Variants in TULP3 observed in about 807,000 individuals in gnomAD.
TULP3 encodes tubby-related protein 3.
A neutral mutation model predicts 50.7 loss-of-function variants in TULP3; 38 were observed. That is an observed-to-expected ratio of 0.75 (90% confidence interval 0.58 to 0.98). The LOEUF is 0.98. TULP3 is among the 50% of genes least tolerant of loss of function. The probability of loss-of-function intolerance (pLI) is 0.00; values close to 1 mark genes in which losing one functional copy is unlikely to be tolerated. For missense variants in TULP3, 550 were observed against 568.0 expected (o/e 0.97, Z 0.32); for synonymous variants, 183 against 196.6 (o/e 0.93, Z 0.58).
chr12:2,922,464 T>C (rs1003433737), intron 4 of TULP3, 62 bp downstream of exon 4: 69 of 1,567,594 alleles, frequency 4.4e-5, no homozygotes, highest in Non-Finnish European at 1.2e-5. Context: ...TCTTTTCCTT[T>C]CTTTTCATTG....
chr12:2,920,727 C>G, intron 2 of TULP3, 36 bp from the exon 3 acceptor site: 1 of 1,611,214 alleles, frequency 6.2e-7, no homozygotes, highest in Non-Finnish European at 8.5e-7. Context: ...CATGTCAAAA[C>G]TCTCCTTGCT....
At chr12:2,912,392 G>GTCCA (rs2098186189) in intron 2 of TULP3, among the ~76,000 whole-genome samples, 1 of 152,212 alleles carries the variant, frequency 6.6e-6, no homozygotes, top group African/African-American at 2.4e-5. Context: ...GAGCTTCACA[G>GTCCA]TCCAGAGTAG....
chr12:2,901,372 A>G (rs2098179199), intron 1 of TULP3, among the ~76,000 whole-genome samples: 1 of 130,142 alleles, frequency 7.7e-6, no homozygotes, highest in African/African-American at 3.0e-5. Context: ...TTTTTGCCCA[A>G]TTTTTATTTT....
intron 4 of TULP3, among the ~76,000 whole-genome samples, chr12:2,927,405 C>T (rs1482887037): frequency 1.7e-5 from 2 of 116,434 alleles, no homozygotes; most frequent in Non-Finnish European, 3.3e-5. Context: ...CTTGCTCTGT[C>T]GCCCAGGCTA....
chr12:2,908,452 A>C (rs902820938), intron 1 of TULP3, among the ~76,000 whole-genome samples: 3 of 152,042 alleles, frequency 2.0e-5, no homozygotes, highest in African/African-American at 7.3e-5. Flanking sequence ...GTTTGTTTTG[A>C]GCCATAGTCT....
In TULP3 at chr12:2,934,512, G is replaced by T. The variant is rs546880875; in HGVS notation, c.875G>T (p.Gly292Val). 6.2e-7 allele frequency: 1 copy of T among 1,605,126 alleles called. No individual in the cohort carries two copies. Among genetic ancestry groups the T allele is most frequent in the African/African-American group, 1.3e-5 (1 of 74,528 alleles). The change falls in exon 8 of 11, where the codon GGT becomes GTT. Residue 292 changes from glycine (G) to valine (V), a missense_variant. Coordinates refer to ENST00000448120, the MANE Select transcript of TULP3 (RefSeq NM_003324.5). ...GGCATCTGCCCCATGAAGGGCCGGG[G>T]TTTGGTAGGAGCGGCCCACACCCGG... Reference protein sequence around the residue: ...DRGICPMKGRGLVGAAHTRQE... With the variant: ...DRGICPMKGRVLVGAAHTRQE...
In TULP3 at chr12:2,937,691, A is replaced by G. The variant is rs1446576749; in HGVS notation, c.985A>G (p.Thr329Ala). 6.2e-7 allele frequency: 1 copy of G among 1,613,388 alleles called. No individual in the cohort carries two copies. The highest frequency in any genetic ancestry group is 1.3e-5 in the African/African-American group (1 of 74,992). Residue 329 changes from threonine to alanine, a missense_variant, in exon 9 of 11, where the codon ACA (threonine) becomes GCA (alanine). Coordinates refer to ENST00000448120, the MANE Select transcript of TULP3 (RefSeq NM_003324.5). ...AATGTCTGTGATCATTCCTGGAATG[A>G]CACTGAATCATAAGCAGATCCCCTA... ...RKMSVIIPGM[T>A]LNHKQIPYQP...
chr12:2,899,223 T>C (rs2153947808), intron 1 of TULP3, among the ~76,000 whole-genome samples: 1 of 151,176 alleles, frequency 6.6e-6, no homozygotes, highest in Admixed American at 6.6e-5. Context: ...CCCATGCCTG[T>C]AATCCCAGCT....
chr12:2,917,447 G>A (rs1376253464), intron 2 of TULP3, among the ~76,000 whole-genome samples: 1 of 151,570 alleles, frequency 6.6e-6, no homozygotes, highest in Non-Finnish European at 1.5e-5. Flanking sequence ...ACTCCAGCCT[G>A]GGCAACACAG....
chr12:2,912,650 T>C (rs752049732), intron 2 of TULP3, among the ~76,000 whole-genome samples: 24 of 152,186 alleles, frequency 1.6e-4, no homozygotes, highest in African/African-American at 2.2e-4. Context: ...TATTAGCCAG[T>C]CTCGTAAGTG....
At chr12:2,938,008 C>T in intron 9 of TULP3, 106 bp from the exon 10 acceptor site, 4 of 1,280,116 alleles carry the variant, frequency 3.1e-6, no homozygotes, top group Admixed American at 4.7e-5. Flanking sequence ...TCATTCTTCG[C>T]TTCTGGTTTA....
chr12:2,893,375 C>CTGGA, intron 1 of TULP3, among the ~76,000 whole-genome samples: 1 of 149,262 alleles, frequency 6.7e-6, no homozygotes, highest in South Asian at 2.1e-4. Flanking sequence ...GTCGCCCAGG[C>CTGGA]TGGAGTGCAG....
intron 2 of TULP3, among the ~76,000 whole-genome samples, chr12:2,912,909 A>C (rs2098186423): frequency 6.6e-6 from 1 of 151,902 alleles, no homozygotes; most frequent in Non-Finnish European, 1.5e-5. Context: ...TGCCCAGGAC[A>C]TTCTCCCTGC....
chr12:2,940,949 A>C lies in TULP3; in HGVS notation c.*1505A>C. Reference sequence around the variant, plus strand: ...CCCTGGTTGGCCACAGAAGCTATTAATACACGACAGCATGTGGGGAAGGAC... The same window carrying C: ...CCCTGGTTGGCCACAGAAGCTATTACTACACGACAGCATGTGGGGAAGGAC... On this transcript the variant is annotated 3_prime_UTR_variant, in exon 11 of 11. Transcript: ENST00000448120. The C allele has an allele frequency of 3.8e-6, 2 of 526,238 alleles. No homozygotes were observed. Among genetic ancestry groups the C allele is most frequent in the South Asian group, 2.7e-5 (1 of 36,940 alleles). The allele number at this position is 526,238 out of a possible 1,614,324, so 32.6% of individuals were successfully genotyped here.
chr12:2,914,790 G>A (rs556186467), intron 2 of TULP3, among the ~76,000 whole-genome samples: 14 of 151,780 alleles, frequency 9.2e-5, no homozygotes, highest in African/African-American at 2.4e-4. Flanking sequence ...GCACCACCAC[G>A]CCTGGCTAAT....
At chr12:2,904,329 ATCTG>A (rs1420294403) in intron 1 of TULP3, among the ~76,000 whole-genome samples, 1 of 152,008 alleles carries the variant, frequency 6.6e-6, no homozygotes, top group Admixed American at 6.6e-5. Context: ...TTTTTATTTT[ATCTG>A]TCTGTCTCAC....
intron 4 of TULP3, among the ~76,000 whole-genome samples, chr12:2,926,205 TA>T (rs2098194562): frequency 6.6e-6 from 1 of 152,004 alleles, no homozygotes; most frequent in South Asian, 2.1e-4. Flanking sequence ...CTGCTACCAA[TA>T]AAAAGGGGGG....
intron 8 of TULP3, among the ~76,000 whole-genome samples, chr12:2,936,595 A>G (rs1015024468): frequency 6.7e-6 from 1 of 148,680 alleles, no homozygotes; most frequent in South Asian, 2.2e-4. Flanking sequence ...AAAAAAAAAA[A>G]TACAAAATTA....
intron 2 of TULP3, among the ~76,000 whole-genome samples, chr12:2,912,162 T>C (rs941214455): frequency 2.0e-5 from 3 of 152,212 alleles, no homozygotes; most frequent in Non-Finnish European, 4.4e-5. Context: ...TTTGGTCTAG[T>C]TCTGGCTCTG....
Sources: gnomAD v4.1 joint callset for allele counts (sites outside exome capture counted in the v4.1 genomes callset) on GRCh38, gnomAD v4.1.1 for gene constraint, MANE v1.5 for transcripts, NCBI Gene and HGNC (gene_info 2026-07-23, HGNC 2026-07-21) for gene names.